Variants in GPC6 observed in about 807,000 individuals in gnomAD.
GPC6 encodes the protein glypican 6.
GPC6 carries 14 observed loss-of-function variants against 55.2 expected under a neutral mutation model. The ratio of observed to expected loss-of-function variants is 0.25; its 90% CI spans 0.17 to 0.40. The LOEUF (loss-of-function observed/expected upper bound fraction) is 0.40. GPC6 is among the 10% of genes least tolerant of loss of function. GPC6 has a pLI of 1.00. For synonymous variants in GPC6, 278 were observed against 259.6 expected, an observed-to-expected ratio of 1.07 and a Z score of -0.68; for missense variants, 641 against 708.5, an observed-to-expected ratio of 0.90 and a Z score of 1.08.
At chr13:93,407,499 T>A (rs947554024) in intron 1 of GPC6, among the ~76,000 whole-genome samples, 44 of 152,264 alleles carry the variant, frequency 2.9e-4, no homozygotes, top group African/African-American at 1.0e-3. Context: ...TTCTAAGGGA[T>A]TCAATTGCAA....
intron 4 of GPC6, among the ~76,000 whole-genome samples, chr13:94,052,002 T>C (rs140039306): frequency 6.6e-6 from 1 of 152,266 alleles, no homozygotes; most frequent in Non-Finnish European, 1.5e-5. Context: ...AGTTTCTCCA[T>C]GTAAGGTAGT....
At chr13:94,313,313 C>T (rs1004328210) in intron 6 of GPC6, among the ~76,000 whole-genome samples, 1 of 152,134 alleles carries the variant, frequency 6.6e-6, no homozygotes, top group African/African-American at 2.4e-5. Context: ...GAAGGATGCA[C>T]GAATCTAATT....
chr13:93,500,108 C>G (rs1039849996), intron 1 of GPC6, among the ~76,000 whole-genome samples: 1 of 152,068 alleles, frequency 6.6e-6, no homozygotes, highest in African/African-American at 2.4e-5. Context: ...TTTTGGCATT[C>G]TTTGGCATAC....
At chr13:93,241,442 T>C (rs1876425501) in intron 1 of GPC6, among the ~76,000 whole-genome samples, 1 of 152,224 alleles carries the variant, frequency 6.6e-6, no homozygotes, top group Non-Finnish European at 1.5e-5. Flanking sequence ...GGTAAAACTT[T>C]TCACTGCATT....
chr13:93,562,276 C>A (rs1875853422), intron 2 of GPC6, among the ~76,000 whole-genome samples: 1 of 152,026 alleles, frequency 6.6e-6, no homozygotes, highest in Admixed American at 6.6e-5. Flanking sequence ...CGGCCTTACT[C>A]ACATTTTTAG....
intron 3 of GPC6, among the ~76,000 whole-genome samples, chr13:94,021,201 T>C (rs953890922): frequency 6.6e-6 from 1 of 151,968 alleles, no homozygotes; most frequent in African/African-American, 2.4e-5. Context: ...TTTATTTGAT[T>C]ATTTTGGTTA....
intron 6 of GPC6, among the ~76,000 whole-genome samples, chr13:94,352,822 TTA>T (rs1178100507): frequency 6.6e-6 from 1 of 152,210 alleles, no homozygotes; most frequent in East Asian, 1.9e-4. Context: ...TAGACCAGAA[TTA>T]TGTCTTTATT....
At chr13:94,159,036 G>C (rs963906524) in intron 4 of GPC6, among the ~76,000 whole-genome samples, 1 of 151,964 alleles carries the variant, frequency 6.6e-6, no homozygotes, top group African/African-American at 2.4e-5. Flanking sequence ...CTCCGACCTG[G>C]CATGTATAAT....
At chr13:94,159,026 C>T (rs1888063447) in intron 4 of GPC6, among the ~76,000 whole-genome samples, 1 of 152,116 alleles carries the variant, frequency 6.6e-6, no homozygotes, top group South Asian at 2.1e-4. Context: ...TAGTGCTTTC[C>T]TCCGACCTGG....
At chr13:94,145,137 GTGGATGGATGGATGGA>G (rs112864050) in intron 4 of GPC6, among the ~76,000 whole-genome samples, 15,090 of 149,952 alleles carry the variant, frequency 0.1, 857 homozygotes, top group Middle Eastern at 0.18. Flanking sequence ...GGATGGATGG[GTGGATGGATGGATGGA>G]TGGATGGATG....
At chr13:93,541,020 C>T (rs1882272921) in intron 1 of GPC6, among the ~76,000 whole-genome samples, 1 of 150,490 alleles carries the variant, frequency 6.6e-6, no homozygotes. Context: ...GATGGGATAT[C>T]ATCCTTTTTT....
chr13:93,688,602 A>G (rs1406591789), intron 2 of GPC6, among the ~76,000 whole-genome samples: 2 of 152,084 alleles, frequency 1.3e-5, no homozygotes, highest in African/African-American at 4.8e-5. Flanking sequence ...AAAGGCAGGA[A>G]ATTATGACAA....
chr13:94,126,908 A>C (rs1886838222), intron 4 of GPC6, among the ~76,000 whole-genome samples: 1 of 152,150 alleles, frequency 6.6e-6, no homozygotes, highest in Non-Finnish European at 1.5e-5. Context: ...ATCTATTTAC[A>C]GTATTTTATA....
Position 94,231,234 on chromosome 13 carries a change from TTG to T in GPC6, c.878-55114_878-55113del, listed in dbSNP as rs999552243. Among the ~76,000 whole-genome samples the T allele has an allele frequency of 1.1e-4, 16 of 152,280 alleles. No homozygotes were observed. In the East Asian group the frequency reaches 2.7e-3, roughly 26 times the overall value. The stretch of plus-strand genomic sequence containing the variant: ...ACCCAACAGACAATCTCAGGGACCC[TTG>T]GGCTGGTGTAGTCAATCACAAGGGC... On this transcript the variant is annotated intron_variant, in intron 4 of 8. Transcript: ENST00000377047.
intron 2 of GPC6, among the ~76,000 whole-genome samples, chr13:93,770,491 A>G (rs1052458773): frequency 1.3e-5 from 2 of 152,118 alleles, no homozygotes; most frequent in African/African-American, 4.8e-5. Flanking sequence ...GTGATGTGTT[A>G]TATCATCTTC....
chr13:93,676,549 G>T (rs929200083), intron 2 of GPC6, among the ~76,000 whole-genome samples: 1 of 152,114 alleles, frequency 6.6e-6, no homozygotes, highest in Non-Finnish European at 1.5e-5. Flanking sequence ...GGACTGTTGA[G>T]AACTAGAGAG....
chr13:93,408,996 G>A (rs1876397021), intron 1 of GPC6, among the ~76,000 whole-genome samples: 1 of 152,126 alleles, frequency 6.6e-6, no homozygotes, highest in African/African-American at 2.4e-5. Flanking sequence ...GGACAGTACA[G>A]TAAGTACATT....
Position 94,112,984 on chromosome 13 carries a change from A to T in GPC6, c.877+85090A>T, listed in dbSNP as rs537741876. On this transcript the variant is annotated intron_variant, in intron 4 of 8. Coordinates refer to ENST00000377047, the MANE Select transcript of GPC6 (RefSeq NM_005708.5). ...GTTAATTAGTTACCCACACTCACAG[A>T]GGATTTGATTAGATACTTAATTCTC... 3.9e-5 allele frequency among the ~76,000 whole-genome samples: 6 copies of T among 152,186 alleles called. No individual in the cohort carries two copies. The South Asian group carries it at 1.2e-3, about 32-fold the overall frequency.
At chr13:93,274,214 A>G (rs551623984) in intron 1 of GPC6, among the ~76,000 whole-genome samples, 53 of 152,262 alleles carry the variant, frequency 3.5e-4, no homozygotes, top group African/African-American at 1.1e-3. Flanking sequence ...AATTCATTCA[A>G]TCATTATCTA....
Sources: gnomAD v4.1 joint callset for allele counts (sites outside exome capture counted in the v4.1 genomes callset) on GRCh38, gnomAD v4.1.1 for gene constraint, MANE v1.5 for transcripts, NCBI Gene and HGNC (gene_info 2026-07-23, HGNC 2026-07-21) for gene names.